Variants in LEKR1 observed in about 807,000 individuals in gnomAD.
LEKR1 encodes leucine, glutamate and lysine rich 1.
Under a neutral mutation model 72.4 loss-of-function variants are expected in LEKR1, and 59 were observed. That is an observed-to-expected ratio of 0.82 (90% confidence interval 0.66 to 1.01). LEKR1 has a LOEUF of 1.01. Among genes scored for constraint, LEKR1 ranks in the 50% least tolerant of loss-of-function variants. The probability of loss-of-function intolerance (pLI) is 0.00; values close to 1 mark genes in which losing one functional copy is unlikely to be tolerated. For missense variants in LEKR1, 728 were observed against 759.2 expected, an observed-to-expected ratio of 0.96 and a Z score of 0.48; for synonymous variants, 257 against 263.2, an observed-to-expected ratio of 0.98 and a Z score of 0.23.
chr3:157,028,225 T>C lies in LEKR1; in HGVS notation c.1491T>C (p.Ile497=). The C allele has an allele frequency of 6.2e-7, 1 of 1,613,400 alleles. No homozygotes were observed. The highest frequency in any genetic ancestry group is 8.5e-7 in the Non-Finnish European group (1 of 1,179,558). The change falls in exon 12 of 13, where the codon ATT becomes ATC. Residue 497 remains isoleucine, a synonymous_variant. Transcript: ENST00000356539. ...AATCTAATTCAAAGGAAAAAGAAAT[T>C]GAAAATCTTAAAAATTTGGTTGCAG... is the stretch of plus-strand genomic sequence containing the variant. ...TEESNSKEKE[I]ENLKNLVAEF...
intron 5 of LEKR1, 108 bp from the exon 6 acceptor site, chr3:156,942,421 C>A (rs1277684072): frequency 3.0e-6 from 1 of 336,438 alleles, no homozygotes; most frequent in Admixed American, 5.3e-5. Context: ...TCAGAAATGT[C>A]ATCTTGCCTT....
intron 12 of LEKR1, among the ~76,000 whole-genome samples, chr3:157,037,682 C>G (rs1359748461): frequency 6.6e-6 from 1 of 152,080 alleles, no homozygotes; most frequent in African/African-American, 2.4e-5. Flanking sequence ...ACTGCAGTTG[C>G]TTATTTATGC....
chr3:156,899,307 T>TAC (rs1167347656), intron 3 of LEKR1, among the ~76,000 whole-genome samples: 1 of 145,126 alleles, frequency 6.9e-6, no homozygotes, highest in East Asian at 2.0e-4. Context: ...CATATATACA[T>TAC]ACACACATGT....
At position 157,035,846 on chromosome 3, in the gene LEKR1, G is replaced by A. The variant is rs140993089; in HGVS notation, c.1668+7444G>A. Among the ~76,000 whole-genome samples, 675 of 152,190 alleles carry A rather than the reference G, an allele frequency of 4.4e-3. 3 individuals carry two copies. Among genetic ancestry groups the A allele is most frequent in the African/African-American group, 0.015 (607 of 41,522 alleles). ...CCCAGAAGGTGGAGGTTGCAGTAGC[G>A]GAGATCACACCACTGCACTCCAGCC... On this transcript the variant is annotated intron_variant, in intron 12 of 12. Coordinates refer to ENST00000356539, the MANE Select transcript of LEKR1 (RefSeq NM_001004316.3).
chr3:157,043,326 G>A (rs566469115), intron 12 of LEKR1, among the ~76,000 whole-genome samples: 23 of 152,224 alleles, frequency 1.5e-4, no homozygotes, highest in African/African-American at 5.1e-4. Flanking sequence ...ACTCCAACAC[G>A]TTGCCAGCTT....
intron 2 of LEKR1, among the ~76,000 whole-genome samples, chr3:156,849,973 C>T (rs1715143732): frequency 6.6e-6 from 1 of 152,084 alleles, no homozygotes; most frequent in Non-Finnish European, 1.5e-5. Context: ...GAACAGGCAA[C>T]CTACACAATG....
intron 2 of LEKR1, among the ~76,000 whole-genome samples, chr3:156,832,438 A>G (rs757536845): frequency 3.9e-5 from 6 of 152,216 alleles, no homozygotes; most frequent in Non-Finnish European, 8.8e-5. Flanking sequence ...AACACAAATC[A>G]TAGTAGGACC....
chr3:156,915,715 G>A (rs1206447747), intron 3 of LEKR1, among the ~76,000 whole-genome samples: 1 of 151,856 alleles, frequency 6.6e-6, no homozygotes, highest in African/African-American at 2.4e-5. Context: ...TAGGTTGTCT[G>A]TTTACTCTGT....
intron 2 of LEKR1, among the ~76,000 whole-genome samples, chr3:156,848,974 T>C (rs1028226372): frequency 6.6e-6 from 1 of 152,192 alleles, no homozygotes; most frequent in African/African-American, 2.4e-5. Context: ...ATTGTCCCTG[T>C]TTGCAGATGA....
Position 157,040,823 on chromosome 3 carries a change from A to G in LEKR1, c.1669-4517A>G, listed in dbSNP as rs1277309863. ...ACTGAGGAGGACTTGCTTTCCTGGC[A>G]TGTTCCCCCCAAAATTGTGCCAAAT... On this transcript the variant is annotated intron_variant, in intron 12 of 12. Coordinates refer to ENST00000356539, the MANE Select transcript of LEKR1 (RefSeq NM_001004316.3). 2.0e-5 allele frequency among the ~76,000 whole-genome samples: 3 copies of G among 152,196 alleles called. No homozygotes were observed. In the East Asian group the frequency reaches 5.8e-4, roughly 29 times the overall value.
At chr3:156,978,831 C>T (rs1232157133) in intron 6 of LEKR1, among the ~76,000 whole-genome samples, 3 of 152,156 alleles carry the variant, frequency 2.0e-5, no homozygotes, top group Non-Finnish European at 4.4e-5. Flanking sequence ...TGAGCTCAGG[C>T]AATCATGTGT....
At chr3:156,958,132 A>G (rs1279353068) in intron 6 of LEKR1, among the ~76,000 whole-genome samples, 2 of 152,090 alleles carry the variant, frequency 1.3e-5, no homozygotes, top group Non-Finnish European at 2.9e-5. Flanking sequence ...CTACGTACCT[A>G]TCTGTGAAGG....
chr3:157,035,214 AT>A (rs1378551741), intron 12 of LEKR1, among the ~76,000 whole-genome samples: 1 of 152,210 alleles, frequency 6.6e-6, no homozygotes, highest in Admixed American at 6.5e-5. Context: ...CTTTATTGCA[AT>A]ATTTGCTTTA....
At chr3:156,907,819 A>T (rs1200287090) in intron 3 of LEKR1, among the ~76,000 whole-genome samples, 2 of 152,132 alleles carry the variant, frequency 1.3e-5, no homozygotes, top group African/African-American at 4.8e-5. Context: ...TTTTGGTTTT[A>T]TCATATTTTT....
chr3:156,880,051 G>A (rs764150846), intron 3 of LEKR1, among the ~76,000 whole-genome samples: 1 of 152,226 alleles, frequency 6.6e-6, no homozygotes, highest in Middle Eastern at 3.2e-3. Flanking sequence ...ACCCACTGGG[G>A]CACTGCCTAG....
intron 7 of LEKR1, among the ~76,000 whole-genome samples, chr3:156,980,262 A>C (rs1318378867): frequency 1.3e-5 from 2 of 152,210 alleles, no homozygotes; most frequent in Non-Finnish European, 2.9e-5. Context: ...ACTACTCCTA[A>C]AATCAATGTG....
At chr3:156,834,446 TC>T in intron 2 of LEKR1, among the ~76,000 whole-genome samples, 1 of 152,202 alleles carries the variant, frequency 6.6e-6, no homozygotes, top group Non-Finnish European at 1.5e-5. Flanking sequence ...GTGATTACTT[TC>T]CTTTGAACAA....
chr3:156,955,985 C>G (rs780765891), intron 6 of LEKR1, among the ~76,000 whole-genome samples: 8 of 150,888 alleles, frequency 5.3e-5, no homozygotes, highest in Non-Finnish European at 1.0e-4. Context: ...AAGTAGCTTA[C>G]ATTTTCAAAA....
chr3:156,879,744 A>C (rs1476302990), intron 3 of LEKR1, among the ~76,000 whole-genome samples: 1 of 152,140 alleles, frequency 6.6e-6, no homozygotes, highest in Non-Finnish European at 1.5e-5. Context: ...CATCCTAGGT[A>C]CTTGGTGCCC....
Sources: allele counts gnomAD v4.1 joint callset (sites outside exome capture counted in the v4.1 genomes callset), GRCh38; gene constraint gnomAD v4.1.1; transcripts MANE v1.5; gene names NCBI Gene and HGNC (gene_info 2026-07-23, HGNC 2026-07-21).